The following FHIP2A variants were observed in gnomAD, a reference collection of about 807,000 sequenced individuals.
FHIP2A encodes the protein FHF complex subunit HOOK interacting protein 2A.
Under a neutral mutation model 93.5 loss-of-function variants are expected in FHIP2A, and 46 were observed. That is an observed-to-expected ratio of 0.49 (90% CI 0.39 to 0.63). The LOEUF is 0.63. Among genes scored for constraint, FHIP2A ranks in the 20% least tolerant of loss-of-function variants. The probability of loss-of-function intolerance (pLI) is 0.00; values close to 1 mark genes in which losing one functional copy is unlikely to be tolerated. For synonymous variants in FHIP2A, 332 were observed against 326.5 expected (o/e 1.02, Z -0.18); for missense variants, 769 against 909.7 (o/e 0.85, Z 1.99).
chr10:114,855,016 T>TA (rs1292615377), intron 13 of FHIP2A, among the ~76,000 whole-genome samples, 181 bp from the exon 14 acceptor site: 2 of 152,210 alleles, frequency 1.3e-5, no homozygotes, highest in African/African-American at 4.8e-5. Context: ...AATATAATCT[T>TA]ACCTGTGCCC....
downstream of FHIP2A, among the ~76,000 whole-genome samples, chr10:114,867,078 A>G (rs1157236232): frequency 6.6e-6 from 1 of 152,032 alleles, no homozygotes; most frequent in Non-Finnish European, 1.5e-5. Context: ...GCATGGTGGC[A>G]CGTGCCTGTA....
chr10:114,836,030 A>C (rs1413028237), intron 4 of FHIP2A, 94 bp from the exon 5 acceptor site: 19 of 932,570 alleles, frequency 2.0e-5, no homozygotes, highest in Non-Finnish European at 3.2e-6. Flanking sequence ...ATTATATGAA[A>C]AATTTAAATA....
intron 16 of FHIP2A, among the ~76,000 whole-genome samples, chr10:114,882,890 G>C (rs922540186): frequency 2.7e-5 from 4 of 147,552 alleles, no homozygotes; most frequent in African/African-American, 1.0e-4. Flanking sequence ...AAAAAAAAAA[G>C]AAAGAAAAGA....
At chr10:114,885,980 C>A (rs1442591283) in intron 16 of FHIP2A, among the ~76,000 whole-genome samples, 1 of 152,178 alleles carries the variant, frequency 6.6e-6, no homozygotes, top group East Asian at 1.9e-4. Flanking sequence ...ACATGGTTCC[C>A]TTAAAGCGGC....
rs1490445040 is a variant in FHIP2A, at chr10:114,836,134, G to C, written c.410G>C (p.Arg137Thr). Residue 137 changes from arginine (R) to threonine (T), a missense_variant, in exon 5 of 17, where the codon AGA (arginine) becomes ACA (threonine). By Grantham distance (71) the Arg-to-Thr change is moderately conservative (BLOSUM62 -1). Coordinates refer to ENST00000369248, the MANE Select transcript of FHIP2A (RefSeq NM_020940.4). ...CAATTGTTTTCACAGAAATTAATTA[G>C]ACTCTGTGGTGAAGTCCTAGCAACA... The part of the protein sequence containing the change: ...NVHRPVQKLI[R>T]LCGEVLATPT... 6.4e-7 allele frequency: 1 copy of C among 1,574,312 alleles called. No homozygotes were observed. Among genetic ancestry groups the C allele is most frequent in the Non-Finnish European group, 8.7e-7 (1 of 1,153,212 alleles).
chr10:114,837,211 G>C (rs2083641202), intron 5 of FHIP2A, among the ~76,000 whole-genome samples: 2 of 152,032 alleles, frequency 1.3e-5, no homozygotes, highest in South Asian at 2.1e-4. Flanking sequence ...GCCTTCTTTT[G>C]TTTTTTAAAA....
chr10:114,863,779 A>G lies in FHIP2A; in HGVS notation c.*2239A>G. 1 of 1,263,526 alleles carries G rather than the reference A, an allele frequency of 7.9e-7. No homozygotes were observed. Among genetic ancestry groups the G allele is most frequent in the Non-Finnish European group, 1.0e-6 (1 of 973,642 alleles). The allele number at this position is 1,263,526 out of a possible 1,614,324, so 78.3% of individuals were successfully genotyped here. On this transcript the variant is annotated 3_prime_UTR_variant, in exon 17 of 17. Transcript: ENST00000369248. ...TCTGTTACTCAGTACTTGCAAAAAC[A>G]GTAACTAAAATGCACTATGCTGAGT...
intron 5 of FHIP2A, among the ~76,000 whole-genome samples, chr10:114,840,687 A>G (rs1006672999): frequency 1.3e-5 from 2 of 152,204 alleles, no homozygotes; most frequent in African/African-American, 4.8e-5. Flanking sequence ...GCTCAGATGC[A>G]GAAGCTGGGA....
chr10:114,822,057 G>T lies in FHIP2A; in HGVS notation c.-22G>T, dbSNP rs752952068. The T allele has an allele frequency of 2.3e-6, 3 of 1,291,286 alleles. No homozygotes were observed. The highest frequency in any genetic ancestry group is 2.2e-5 in the South Asian group (1 of 45,380). 80.0% of individuals were successfully genotyped at this position (1,291,286 alleles called of 1,614,324 possible). ...AGCTCTCCAGGTCGTCCCGGGAGAG[G>T]CTGCTGCAGTCCCGGGACAGGATGT... On this transcript the variant is annotated 5_prime_UTR_variant, in exon 1 of 17. Coordinates refer to ENST00000369248, the MANE Select transcript of FHIP2A (RefSeq NM_020940.4).
intron 1 of FHIP2A, among the ~76,000 whole-genome samples, chr10:114,830,309 G>A (rs1378328347): frequency 8.5e-6 from 1 of 117,758 alleles, no homozygotes; most frequent in African/African-American, 3.5e-5. Context: ...ATCTCGTTCT[G>A]TCATCCAGGC....
chr10:114,886,251 A>G (rs542053069), intron 16 of FHIP2A, among the ~76,000 whole-genome samples: 12 of 152,332 alleles, frequency 7.9e-5, no homozygotes, highest in African/African-American at 2.6e-4. Context: ...AAACACCAAG[A>G]ATTAAGTAAC....
At chr10:114,890,640 G>A (rs182382301) in intron 16 of FHIP2A, among the ~76,000 whole-genome samples, 60 of 145,384 alleles carry the variant, frequency 4.1e-4, no homozygotes, top group South Asian at 1.3e-3. Context: ...CATATATACC[G>A]TATATGACAT....
chr10:114,876,254 G>T (rs937698843), intron 16 of FHIP2A, among the ~76,000 whole-genome samples: 1 of 152,126 alleles, frequency 6.6e-6, no homozygotes, highest in Non-Finnish European at 1.5e-5. Flanking sequence ...CCCAAGGAGC[G>T]CTGTGGACCA....
intron 8 of FHIP2A, 22 bp from the exon 9 acceptor site, chr10:114,845,991 T>A (rs761192686): frequency 5.2e-6 from 8 of 1,537,654 alleles, no homozygotes; most frequent in Non-Finnish European, 5.3e-6. Flanking sequence ...AAAAAAAAAA[T>A]GATGTTCCTA....
chr10:114,825,249 T>C (rs751102196), intron 1 of FHIP2A, among the ~76,000 whole-genome samples: 1 of 152,136 alleles, frequency 6.6e-6, no homozygotes, highest in Non-Finnish European at 1.5e-5. Flanking sequence ...TGGTCTCACA[T>C]TTTTGGGCTT....
At chr10:114,878,072 T>G (rs1401912349) in intron 16 of FHIP2A, among the ~76,000 whole-genome samples, 1 of 152,188 alleles carries the variant, frequency 6.6e-6, no homozygotes, top group Non-Finnish European at 1.5e-5. Flanking sequence ...ATCCCTCTAT[T>G]TCTATTCACA....
At chr10:114,847,021 G>C in intron 11 of FHIP2A, 69 bp from the exon 12 acceptor site, 1 of 1,326,326 alleles carries the variant, frequency 7.5e-7, no homozygotes, top group African/African-American at 1.5e-5. Context: ...GAACATAGCA[G>C]AGAATCTTTT....
At chr10:114,874,983 T>A (rs1002513353) in intron 16 of FHIP2A, among the ~76,000 whole-genome samples, 1 of 152,252 alleles carries the variant, frequency 6.6e-6, no homozygotes, top group African/African-American at 2.4e-5. Flanking sequence ...GTTGGTTTTG[T>A]ACATTCGTGT....
chr10:114,829,380 C>A (rs1239767936), intron 1 of FHIP2A, among the ~76,000 whole-genome samples: 1 of 152,108 alleles, frequency 6.6e-6, no homozygotes, highest in Admixed American at 6.6e-5. Context: ...GGTTCCTCCC[C>A]TTTTTAGACT....
Sources: allele counts gnomAD v4.1 joint callset (sites outside exome capture counted in the v4.1 genomes callset), GRCh38; gene constraint gnomAD v4.1.1; transcripts MANE v1.5; gene names NCBI Gene and HGNC (gene_info 2026-07-23, HGNC 2026-07-21).